The following SKAP1 variants were observed in gnomAD, a reference collection of about 807,000 sequenced individuals.
SKAP1 encodes src kinase associated phosphoprotein 1.
SKAP1 carries 44 observed loss-of-function variants against 58.5 expected under a neutral mutation model. The ratio of observed to expected loss-of-function variants is 0.75; its 90% CI spans 0.59 to 0.97. The LOEUF (loss-of-function observed/expected upper bound fraction) is 0.97, where lower values mean the gene tolerates loss of function less well. SKAP1 is among the 50% of genes least tolerant of loss of function. The probability of loss-of-function intolerance (pLI) is 0.00; values close to 1 mark genes in which losing one functional copy is unlikely to be tolerated. For synonymous variants in SKAP1, 127 were observed against 149.7 expected, an observed-to-expected ratio of 0.85 and a Z score of 1.11; for missense variants, 390 against 435.2, an observed-to-expected ratio of 0.90 and a Z score of 0.92.
intron 10 of SKAP1, 22 bp from the exon 11 acceptor site, chr17:48,162,591 C>T: frequency 6.3e-7 from 1 of 1,584,894 alleles, no homozygotes; most frequent in Non-Finnish European, 8.6e-7. Context: ...GAGGAGAAAT[C>T]AAAGTTAAAA....
chr17:48,401,907 A>G (rs534578901), intron 1 of SKAP1, among the ~76,000 whole-genome samples: 3 of 152,342 alleles, frequency 2.0e-5, no homozygotes, highest in African/African-American at 7.2e-5. Context: ...GAATATATTA[A>G]AACTCTTATA....
chr17:48,421,486 G>A (rs1414104073), intron 1 of SKAP1, among the ~76,000 whole-genome samples: 1 of 151,936 alleles, frequency 6.6e-6, no homozygotes, highest in Non-Finnish European at 1.5e-5. Flanking sequence ...TGTATTTTTA[G>A]TAGAGACGGG....
intron 6 of SKAP1, among the ~76,000 whole-genome samples, chr17:48,185,700 G>A (rs1484439885): frequency 6.6e-6 from 1 of 152,142 alleles, no homozygotes; most frequent in Non-Finnish European, 1.5e-5. Context: ...AAGGATGGCA[G>A]TGCGATGCCA....
chr17:48,381,674 G>T (rs551069564), intron 2 of SKAP1, among the ~76,000 whole-genome samples: 1 of 152,232 alleles, frequency 6.6e-6, no homozygotes, highest in African/African-American at 2.4e-5. Context: ...TTCCCATGAG[G>T]TTATAAATTT....
intron 2 of SKAP1, among the ~76,000 whole-genome samples, chr17:48,376,063 C>T (rs1368677156): frequency 3.3e-5 from 5 of 152,124 alleles, no homozygotes; most frequent in Non-Finnish European, 1.5e-5. Context: ...CAGCTGATTA[C>T]TGTATTCTAA....
At chr17:48,297,897 TA>T (rs2144112111) in intron 4 of SKAP1, among the ~76,000 whole-genome samples, 1 of 152,322 alleles carries the variant, frequency 6.6e-6, no homozygotes, top group Non-Finnish European at 1.5e-5. Context: ...CTGATAGGTA[TA>T]AAATGCCTGA....
chr17:48,378,287 G>A (rs1053660800), intron 2 of SKAP1, among the ~76,000 whole-genome samples: 4 of 152,178 alleles, frequency 2.6e-5, no homozygotes. Flanking sequence ...AGACAGGTCT[G>A]GGTTGAAGTC....
intron 4 of SKAP1, chr17:48,294,529 A>G (rs1286443389): frequency 6.6e-6 from 1 of 152,164 alleles, no homozygotes; most frequent in African/African-American, 2.4e-5. Flanking sequence ...TGTTGTTTAC[A>G]TGCATGTAAT....
intron 4 of SKAP1, among the ~76,000 whole-genome samples, chr17:48,317,701 C>G: frequency 6.6e-6 from 1 of 152,252 alleles, no homozygotes; most frequent in Middle Eastern, 3.4e-3. Context: ...CAGGTCACTT[C>G]GAGGTCTGAA....
At chr17:48,342,480 C>A (rs985696531) in intron 4 of SKAP1, among the ~76,000 whole-genome samples, 14 of 126,114 alleles carry the variant, frequency 1.1e-4, no homozygotes, top group African/African-American at 4.8e-4. Flanking sequence ...ATGCAGCATG[C>A]TTCTATATTC....
intron 1 of SKAP1, chr17:48,397,040 G>T: frequency 3.7e-6 from 1 of 269,108 alleles, no homozygotes; most frequent in Non-Finnish European, 5.7e-6. Flanking sequence ...TATGTTACCA[G>T]AATAAATAAT....
chr17:48,349,034 C>T (rs1292454870), intron 3 of SKAP1, among the ~76,000 whole-genome samples: 1 of 152,160 alleles, frequency 6.6e-6, no homozygotes, highest in Non-Finnish European at 1.5e-5. Context: ...TTTTTAGTGT[C>T]ATATCAAGTG....
intron 4 of SKAP1, among the ~76,000 whole-genome samples, chr17:48,338,203 G>A (rs913994955): frequency 4.0e-5 from 6 of 150,320 alleles, no homozygotes. Context: ...AGGCTGGAGT[G>A]CAGTGGCACA....
At position 48,345,900 on chromosome 17, in the gene SKAP1, C is replaced by G; in HGVS notation, c.280+5G>C. 6.3e-7 allele frequency: 1 copy of G among 1,599,024 alleles called. No individual in the cohort carries two copies. Among genetic ancestry groups the G allele is most frequent in the Non-Finnish European group, 8.6e-7 (1 of 1,166,692 alleles). ...TCACCCAAAATCCAGAAGGATAACA[C>G]TCACCCTCATCCTGATAATCTGACA... On this transcript the variant is annotated splice_donor_5th_base_variant and intron_variant, in intron 4 of 12. Coordinates refer to ENST00000336915, the MANE Select transcript of SKAP1 (RefSeq NM_003726.4).
At chr17:48,211,197 T>G (rs1412769453) in intron 4 of SKAP1, among the ~76,000 whole-genome samples, 1 of 152,174 alleles carries the variant, frequency 6.6e-6, no homozygotes, top group Non-Finnish European at 1.5e-5. Flanking sequence ...ATCCCAGCAC[T>G]TTGGAGGGCC....
intron 2 of SKAP1, among the ~76,000 whole-genome samples, chr17:48,370,048 C>G (rs987310234): frequency 2.0e-5 from 3 of 152,116 alleles, no homozygotes; most frequent in African/African-American, 7.2e-5. Flanking sequence ...AGATATGATT[C>G]GTCTACAGAT....
At chr17:48,288,525 A>G (rs200374442) in intron 4 of SKAP1, among the ~76,000 whole-genome samples, 2 of 152,166 alleles carry the variant, frequency 1.3e-5, no homozygotes, top group East Asian at 3.9e-4. Flanking sequence ...GTCTCTACTA[A>G]AAACACAAAA....
intron 11 of SKAP1, among the ~76,000 whole-genome samples, chr17:48,161,918 G>A (rs2064074886): frequency 6.6e-6 from 1 of 151,734 alleles, no homozygotes; most frequent in South Asian, 2.1e-4. Context: ...CATGGTTTTG[G>A]TATAATACCA....
chr17:48,233,050 C>T (rs2924258), intron 4 of SKAP1, among the ~76,000 whole-genome samples: 126,719 of 152,148 alleles, frequency 0.83, 52,825 homozygotes, highest in East Asian at 0.95. Flanking sequence ...GGACTGTTTT[C>T]GAGAGATGCA....
Sources: allele counts gnomAD v4.1 joint callset (sites outside exome capture counted in the v4.1 genomes callset), GRCh38; gene constraint gnomAD v4.1.1; transcripts MANE v1.5; gene names NCBI Gene and HGNC (gene_info 2026-07-23, HGNC 2026-07-21).